The following RBFOX1 variants were observed in gnomAD, a reference collection of about 807,000 sequenced individuals.
The protein encoded by RBFOX1 is RNA binding protein fox-1 homolog 1.
A neutral mutation model predicts 57.7 loss-of-function variants in RBFOX1; 8 were observed. The ratio of observed to expected loss-of-function variants is 0.14; its 90% CI spans 0.08 to 0.25. The LOEUF (loss-of-function observed/expected upper bound fraction) is 0.25, where lower values mean the gene tolerates loss of function less well. RBFOX1 is among the 10% of genes least tolerant of loss of function. RBFOX1 has a pLI of 1.00. For missense variants in RBFOX1, 611 were observed against 548.5 expected (o/e 1.11, Z -1.14); for synonymous variants, 326 against 222.4 (o/e 1.47, Z -4.15).
chr16:6,825,799 G>A (rs1239453351), intron 3 of RBFOX1, among the ~76,000 whole-genome samples: 1 of 152,160 alleles, frequency 6.6e-6, no homozygotes, highest in African/African-American at 2.4e-5. Context: ...TAAGGGTGGA[G>A]ACAGAGGCAG....
chr16:7,515,259 AG>A (rs1458740917), intron 4 of RBFOX1, among the ~76,000 whole-genome samples: 3 of 32,410 alleles, frequency 9.3e-5, no homozygotes, highest in African/African-American at 2.3e-4. Flanking sequence ...AAACAGCAGA[AG>A]TTTTTTTTTT....
rs532630157 is a variant in RBFOX1, at chr16:6,555,477, A to G, written c.-63-99126A>G. On this transcript the variant is annotated intron_variant, in intron 2 of 15. Coordinates refer to ENST00000550418, the MANE Select transcript of RBFOX1 (RefSeq NM_018723.4). ...CACTTTGGGAGGCGGAGACAGGCGG[A>G]TCACGAGGTCAGGAGATCGAGACCA... 1.4e-4 allele frequency among the ~76,000 whole-genome samples: 22 copies of G among 152,272 alleles called. No individual in the cohort carries two copies. The East Asian group carries it at 4.3e-3, about 29-fold the overall frequency.
chr16:7,610,405 C>T (rs1309775579), intron 10 of RBFOX1, among the ~76,000 whole-genome samples: 1 of 151,410 alleles, frequency 6.6e-6, no homozygotes, highest in Non-Finnish European at 1.5e-5. Context: ...TATTAAAGGT[C>T]ATGATTCCAA....
chr16:5,938,222 A>T (rs544733848), intron 4 of RBFOX1, among the ~76,000 whole-genome samples: 8 of 152,130 alleles, frequency 5.3e-5, no homozygotes, highest in African/African-American at 1.9e-4. Flanking sequence ...TGGGAAGTAT[A>T]TAGCTTTCAG....
chr16:6,515,143 T>A lies in RBFOX1; in HGVS notation c.-63-139460T>A, dbSNP rs533191411. 7.9e-5 allele frequency among the ~76,000 whole-genome samples: 12 copies of A among 152,338 alleles called. 1 individual carries two copies. The East Asian group carries it at 2.3e-3, about 29-fold the overall frequency. ...ACAGGTTTACTTATGTGCTAAGTCC[T>A]GTGGTCAGACCTTGACATTTCATTT... On this transcript the variant is annotated intron_variant, in intron 2 of 15. Coordinates refer to ENST00000550418, the MANE Select transcript of RBFOX1 (RefSeq NM_018723.4).
chr16:7,150,441 C>T (rs187788336), intron 4 of RBFOX1, among the ~76,000 whole-genome samples: 1 of 152,268 alleles, frequency 6.6e-6, no homozygotes, highest in African/African-American at 2.4e-5. Context: ...AATCACACTC[C>T]ATTGTGCAAT....
At chr16:6,397,640 A>G (rs907248859) in intron 2 of RBFOX1, among the ~76,000 whole-genome samples, 2 of 152,238 alleles carry the variant, frequency 1.3e-5, no homozygotes, top group African/African-American at 4.8e-5. Flanking sequence ...ATAATATAAA[A>G]GGTTATAATG....
intron 4 of RBFOX1, among the ~76,000 whole-genome samples, chr16:7,324,349 C>T (rs935524660): frequency 2.6e-5 from 4 of 152,080 alleles, no homozygotes; most frequent in African/African-American, 7.2e-5. Flanking sequence ...TTAGGAGTGG[C>T]CTCTGTGTCC....
intron 1 of RBFOX1, among the ~76,000 whole-genome samples, chr16:5,425,065 T>TTATTTATCTATC (rs1555514962): frequency 4.4e-5 from 3 of 68,588 alleles, no homozygotes; most frequent in African/African-American, 9.5e-5. Flanking sequence ...CCTTCCTTTC[T>TTATTTATCTATC]TATCTATCTA....
intron 4 of RBFOX1, among the ~76,000 whole-genome samples, chr16:7,261,036 C>T (rs1001096060): frequency 2.0e-5 from 3 of 152,128 alleles, no homozygotes; most frequent in East Asian, 1.9e-4. Context: ...CCTACCTTGG[C>T]GTCTATGACT....
intron 1 of RBFOX1, among the ~76,000 whole-genome samples, chr16:5,308,154 G>A (rs1243952333): frequency 6.6e-6 from 1 of 151,974 alleles, no homozygotes; most frequent in Admixed American, 6.6e-5. Flanking sequence ...AGCCTAGCCA[G>A]CATAGTGAAG....
intron 1 of RBFOX1, among the ~76,000 whole-genome samples, chr16:6,112,365 A>G (rs376025613): frequency 1.3e-5 from 2 of 152,270 alleles, no homozygotes; most frequent in East Asian, 3.9e-4. Flanking sequence ...TGACATGTTG[A>G]GTAGTAGTCA....
chr16:6,532,277 G>C (rs1353485757), intron 2 of RBFOX1, among the ~76,000 whole-genome samples: 1 of 152,102 alleles, frequency 6.6e-6, no homozygotes, highest in Non-Finnish European at 1.5e-5. Flanking sequence ...AACTTCTCTT[G>C]GGTACTCTTA....
At chr16:6,080,344 G>A (rs2095981834) in intron 1 of RBFOX1, among the ~76,000 whole-genome samples, 1 of 152,082 alleles carries the variant, frequency 6.6e-6, no homozygotes, top group Admixed American at 6.6e-5. Flanking sequence ...TGACCTTCAG[G>A]GTTCCAGCTC....
At chr16:5,342,756 C>T (rs765396470) in intron 1 of RBFOX1, among the ~76,000 whole-genome samples, 2 of 152,308 alleles carry the variant, frequency 1.3e-5, no homozygotes, top group Non-Finnish European at 2.9e-5. Context: ...GGTGCACATC[C>T]AAACCTTCAT....
intron 4 of RBFOX1, among the ~76,000 whole-genome samples, chr16:7,350,359 T>C (rs1436657539): frequency 1.3e-5 from 2 of 152,134 alleles, no homozygotes; most frequent in African/African-American, 4.8e-5. Flanking sequence ...ATGGTCAGTA[T>C]GGCTGTGACA....
chr16:6,862,206 C>G (rs758948808), intron 3 of RBFOX1, among the ~76,000 whole-genome samples: 3 of 152,136 alleles, frequency 2.0e-5, no homozygotes, highest in Non-Finnish European at 4.4e-5. Flanking sequence ...TAAATAAGTA[C>G]TGACCCTTAC....
At chr16:6,483,359 C>A (rs1331205946) in intron 2 of RBFOX1, 3 of 1,497,080 alleles carry the variant, frequency 2.0e-6, no homozygotes, top group South Asian at 1.3e-5. Flanking sequence ...GCAGCCCGGG[C>A]GAGCGAAGGC....
chr16:5,580,815 C>A (rs73519516), intron 2 of RBFOX1, among the ~76,000 whole-genome samples: 1,838 of 152,270 alleles, frequency 0.012, 44 homozygotes, highest in African/African-American at 0.043. Flanking sequence ...AGCTGTAGGG[C>A]AGATGGCATT....
Sources: gnomAD v4.1 joint callset for allele counts (sites outside exome capture counted in the v4.1 genomes callset) on GRCh38, gnomAD v4.1.1 for gene constraint, MANE v1.5 for transcripts, NCBI Gene and HGNC (gene_info 2026-07-23, HGNC 2026-07-21) for gene names.